SLC39A11: variants seen among roughly 807,000 people sequenced by gnomAD.
SLC39A11 encodes solute carrier family 39 member 11, also known as zinc transporter ZIP11.
Under a neutral mutation model 36.1 loss-of-function variants are expected in SLC39A11, and 33 were observed. The observed-to-expected ratio is 0.91, with a 90% CI of 0.69 to 1.22. The LOEUF (loss-of-function observed/expected upper bound fraction) is 1.22. SLC39A11 is among the 50% of genes most tolerant of loss of function. The pLI is 0.00. For synonymous variants in SLC39A11, 166 were observed against 170.3 expected, an observed-to-expected ratio of 0.97 and a Z score of 0.20; for missense variants, 432 against 430.3, an observed-to-expected ratio of 1.00 and a Z score of -0.03.
In SLC39A11 at chr17:72,688,446, C is replaced by T. The variant is rs550503499; in HGVS notation, c.672-39178G>A. Among the ~76,000 whole-genome samples, 11 of 152,356 alleles carry T rather than the reference C, an allele frequency of 7.2e-5. 1 individual carries two copies. The South Asian group carries it at 1.9e-3, about 26-fold the overall frequency. ...CCTCAGTCCAGGCGAGGCCAACTGG[C>T]GACTGCCAGGCCATACCATGTGTGC... On this transcript the variant is annotated intron_variant, in intron 7 of 9. Transcript: ENST00000255559.
chr17:72,922,959 T>TC lies in SLC39A11; in HGVS notation c.430+24792dup, dbSNP rs201855345. On this transcript the variant is annotated intron_variant, in intron 5 of 9. Coordinates refer to ENST00000255559, the MANE Select transcript of SLC39A11 (RefSeq NM_139177.4). ...CTGGGTGATAGAGTGGGACTCCTTC[T>TC]CAAAAAAAAAAAAAAAAAAAAAAAA... 1.6e-3 allele frequency among the ~76,000 whole-genome samples: 28 copies of TC among 17,238 alleles called. No homozygotes were observed. The South Asian group carries it at 0.039, about 24-fold the overall frequency. The allele number at this position is 17,238 out of a possible 152,430, so 11.3% of individuals were successfully genotyped here.
intron 6 of SLC39A11, among the ~76,000 whole-genome samples, chr17:72,779,863 T>C (rs1477336980): frequency 6.6e-6 from 1 of 152,140 alleles, no homozygotes; most frequent in East Asian, 1.9e-4. Flanking sequence ...GCCCCTTTCT[T>C]GGTCTCTTCT....
chr17:72,880,104 G>A (rs1400344443), intron 5 of SLC39A11, among the ~76,000 whole-genome samples: 1 of 152,142 alleles, frequency 6.6e-6, no homozygotes. Flanking sequence ...TCAGTGTGTT[G>A]GTCTGTTACT....
Position 72,647,444 on chromosome 17 carries a change from CAG to C in SLC39A11, c.*138_*139del, listed in dbSNP as rs1456319121. The stretch of plus-strand genomic sequence containing the variant: ...AAAGTAAAAATGGTTCTATTATAAT[CAG>C]AGTCAATCAGGATAATGAGATGAAG... On this transcript the variant is annotated 3_prime_UTR_variant, in exon 10 of 10. Coordinates refer to ENST00000255559, the MANE Select transcript of SLC39A11 (RefSeq NM_139177.4). The C allele has an allele frequency of 3.3e-6, 2 of 602,830 alleles. No individual in the cohort carries two copies. Among genetic ancestry groups the C allele is most frequent in the Non-Finnish European group, 5.8e-6 (2 of 346,600 alleles). 37.3% of individuals were successfully genotyped at this position (602,830 alleles called of 1,614,324 possible).
In SLC39A11 at chr17:72,862,136, G is replaced by A. The variant is rs374844623; in HGVS notation, c.431-12332C>T. Among the ~76,000 whole-genome samples, 4 of 152,222 alleles carry A rather than the reference G, an allele frequency of 2.6e-5. No homozygotes were observed. In the East Asian group the frequency reaches 7.8e-4, roughly 30 times the overall value. ...GCCATTGCCTTTTCAAAAGATGGCTGTCTTCTTTTAATGAATCCAATTAGT... is the reference window on the plus strand; with the variant it reads ...GCCATTGCCTTTTCAAAAGATGGCTATCTTCTTTTAATGAATCCAATTAGT... On this transcript the variant is annotated intron_variant, in intron 5 of 9. Coordinates refer to ENST00000255559, the MANE Select transcript of SLC39A11 (RefSeq NM_139177.4).
Position 72,680,041 on chromosome 17 carries a change from C to CAAAAAAA in SLC39A11, c.672-30780_672-30774dup, listed in dbSNP as rs199650969. 1.4e-4 allele frequency among the ~76,000 whole-genome samples: 10 copies of CAAAAAAA among 71,694 alleles called. 1 individual carries two copies. Among genetic ancestry groups the CAAAAAAA allele is most frequent in the African/African-American group, 5.0e-4 (6 of 11,958 alleles). The allele number at this position is 71,694 out of a possible 152,430, so 47.0% of individuals were successfully genotyped here. A position where few individuals can be genotyped will look rare whatever the true frequency, so the allele number is the denominator to read the frequency against. Reference sequence around the variant, plus strand: ...TGGGCGACAGAGTGAGACTCTGTCTCAAAAAAAAAAAAAAAAAAAAAAAAA... The same window carrying CAAAAAAA: ...TGGGCGACAGAGTGAGACTCTGTCTCAAAAAAAAAAAAAAAAAAAAAAAAAAAAAAAA... On this transcript the variant is annotated intron_variant, in intron 7 of 9. Coordinates refer to ENST00000255559, the MANE Select transcript of SLC39A11 (RefSeq NM_139177.4).
intron 7 of SLC39A11, among the ~76,000 whole-genome samples, chr17:72,691,934 G>A (rs745693): frequency 0.25 from 38,379 of 151,932 alleles, 5,206 homozygotes; most frequent in Non-Finnish European, 0.32. Context: ...GACAGGAAAC[G>A]GGACTCGCCT....
chr17:72,839,779 A>G (rs1471733411), intron 6 of SLC39A11: 1 of 152,260 alleles, frequency 6.6e-6, no homozygotes, highest in East Asian at 1.9e-4. Context: ...GCATAAAGGA[A>G]TAACATCTCT....
chr17:72,784,798 G>A (rs2076446908), intron 6 of SLC39A11, among the ~76,000 whole-genome samples: 1 of 151,532 alleles, frequency 6.6e-6, no homozygotes, highest in African/African-American at 2.4e-5. Flanking sequence ...GCAGATATCA[G>A]CACCATGCTT....
At chr17:73,052,239 T>C (rs769149437) in intron 3 of SLC39A11, among the ~76,000 whole-genome samples, 67 of 150,502 alleles carry the variant, frequency 4.5e-4, no homozygotes, top group Non-Finnish European at 8.4e-4. Flanking sequence ...ACAACATTTA[T>C]AACAAGAAAA....
chr17:73,013,888 G>C (rs2090663528), intron 4 of SLC39A11, among the ~76,000 whole-genome samples: 1 of 152,128 alleles, frequency 6.6e-6, no homozygotes, highest in South Asian at 2.1e-4. Flanking sequence ...TGTCACCAAT[G>C]ACTCCTAAAT....
At chr17:72,670,160 TACACACACAC>T (rs202032502) in intron 7 of SLC39A11, among the ~76,000 whole-genome samples, 2,027 of 104,644 alleles carry the variant, frequency 0.019, 60 homozygotes, top group African/African-American at 0.057. Flanking sequence ...ACATTTTATA[TACACACACAC>T]ACACACACAC....
intron 4 of SLC39A11, among the ~76,000 whole-genome samples, chr17:72,965,592 TA>T (rs1371286667): frequency 2.0e-5 from 3 of 152,252 alleles, no homozygotes; most frequent in African/African-American, 7.2e-5. Context: ...GTAGCTGGGC[TA>T]AGCTATGATG....
intron 3 of SLC39A11, among the ~76,000 whole-genome samples, chr17:73,045,163 C>G (rs1460906837): frequency 6.6e-6 from 1 of 151,694 alleles, no homozygotes; most frequent in Non-Finnish European, 1.5e-5. Context: ...CTGACAAGGC[C>G]CAGGCCCATT....
intron 5 of SLC39A11, among the ~76,000 whole-genome samples, chr17:72,871,329 T>C (rs1363576065): frequency 1.3e-5 from 2 of 152,154 alleles, no homozygotes; most frequent in Non-Finnish European, 2.9e-5. Context: ...CCCAAAGTGC[T>C]AGGATTATAG....
chr17:72,717,935 T>C (rs1453460272), intron 7 of SLC39A11, among the ~76,000 whole-genome samples: 5 of 152,210 alleles, frequency 3.3e-5, no homozygotes, highest in Admixed American at 6.5e-5. Context: ...TTTTCCCTTC[T>C]TTCCCCCTTC....
chr17:72,684,114 G>C (rs551110586), intron 7 of SLC39A11, among the ~76,000 whole-genome samples: 1 of 152,052 alleles, frequency 6.6e-6, no homozygotes, highest in South Asian at 2.1e-4. Flanking sequence ...GGAGCCACAG[G>C]GCTCTTTCCC....
At chr17:72,983,156 G>GA (rs1411796986) in intron 4 of SLC39A11, among the ~76,000 whole-genome samples, 122 of 146,646 alleles carry the variant, frequency 8.3e-4, no homozygotes, top group Admixed American at 1.3e-3. Flanking sequence ...ATTTGTTTTT[G>GA]TTTTTTTTTT....
intron 4 of SLC39A11, among the ~76,000 whole-genome samples, chr17:72,994,813 G>T (rs2089406444): frequency 6.6e-6 from 1 of 152,134 alleles, no homozygotes; most frequent in Admixed American, 6.6e-5. Context: ...GCCCTATACG[G>T]ACTGGGTTCT....
Sources: allele counts gnomAD v4.1 joint callset (sites outside exome capture counted in the v4.1 genomes callset), GRCh38; gene constraint gnomAD v4.1.1; transcripts MANE v1.5; gene names NCBI Gene and HGNC (gene_info 2026-07-23, HGNC 2026-07-21).